Variants in DLC1 observed in about 807,000 individuals in gnomAD.
DLC1 encodes rho GTPase-activating protein 7.
A neutral mutation model predicts 140.3 loss-of-function variants in DLC1; 54 were observed. The observed-to-expected ratio is 0.38, with a 90% CI of 0.31 to 0.48. The LOEUF is 0.48. DLC1 is among the 20% of genes least tolerant of loss of function. The pLI, the probability that DLC1 is intolerant of heterozygous loss-of-function variation, is 0.96. For synonymous variants in DLC1, 986 were observed against 728.1 expected (o/e 1.35, Z -5.70); for missense variants, 2,536 against 1,907.0 (o/e 1.33, Z -6.14).
intron 6 of DLC1, among the ~76,000 whole-genome samples, chr8:13,111,620 A>C (rs1005217783): frequency 6.6e-6 from 1 of 152,226 alleles, no homozygotes; most frequent in African/African-American, 2.4e-5. Context: ...CAAGAAAAGG[A>C]GAGCGGAGGT....
intron 5 of DLC1, among the ~76,000 whole-genome samples, chr8:13,186,823 A>C (rs1390769981): frequency 6.6e-6 from 1 of 152,204 alleles, no homozygotes; most frequent in Non-Finnish European, 1.5e-5. Flanking sequence ...GGTGACGTAC[A>C]GATGGGGTTT....
chr8:13,226,163 C>T (rs1828790028), intron 5 of DLC1, among the ~76,000 whole-genome samples: 1 of 152,194 alleles, frequency 6.6e-6, no homozygotes, highest in South Asian at 2.1e-4. Flanking sequence ...ATCCTCCCAC[C>T]TTGGCCTTCC....
chr8:13,393,795 A>G (rs1389990469), intron 3 of DLC1, 102 bp from the exon 4 acceptor site: 2 of 1,324,706 alleles, frequency 1.5e-6, no homozygotes, highest in Non-Finnish European at 2.1e-6. Flanking sequence ...CTCCCAGTGC[A>G]CACTGATACA....
chr8:13,425,668 CAA>C (rs34728001), intron 2 of DLC1, among the ~76,000 whole-genome samples: 2 of 151,746 alleles, frequency 1.3e-5, no homozygotes, highest in African/African-American at 4.8e-5. Context: ...TGTGTCATAG[CAA>C]AAAAAAAATC....
chr8:13,261,478 A>T (rs551270640), intron 5 of DLC1, among the ~76,000 whole-genome samples: 9 of 152,058 alleles, frequency 5.9e-5, no homozygotes, highest in Non-Finnish European at 1.2e-4. Context: ...TGAGTTGAGG[A>T]GTGACAGGAT....
Position 13,307,136 on chromosome 8 carries a change from G to T in DLC1, c.1315-1834C>A, listed in dbSNP as rs188933618. Among the ~76,000 whole-genome samples, 7 of 142,658 alleles carry T rather than the reference G, an allele frequency of 4.9e-5. No individual in the cohort carries two copies. The East Asian group carries it at 1.5e-3, about 30-fold the overall frequency. 93.6% of individuals were successfully genotyped at this position (142,658 alleles called of 152,430 possible). On this transcript the variant is annotated intron_variant, in intron 4 of 17. Coordinates refer to ENST00000276297, the MANE Select transcript of DLC1 (RefSeq NM_182643.3). ...GAGATGGGGGGAGTTACTTTGGCAA[G>T]ATTAATTTGTACTGAAAGCATATTT...
At chr8:13,137,093 C>G (rs140707480) in intron 5 of DLC1, among the ~76,000 whole-genome samples, 2 of 152,208 alleles carry the variant, frequency 1.3e-5, no homozygotes, top group African/African-American at 4.8e-5. Flanking sequence ...AAGACCTTGG[C>G]ATTACCCTTT....
chr8:13,152,581 T>C (rs1006232310), intron 5 of DLC1, among the ~76,000 whole-genome samples: 2 of 152,066 alleles, frequency 1.3e-5, no homozygotes, highest in African/African-American at 2.4e-5. Flanking sequence ...TGTTGTATTT[T>C]CTTTATGCTT....
At chr8:13,459,682 C>G (rs1016465336) in intron 2 of DLC1, among the ~76,000 whole-genome samples, 2 of 152,098 alleles carry the variant, frequency 1.3e-5, no homozygotes, top group African/African-American at 2.4e-5. Context: ...CCCGCACAGC[C>G]AAGTTCCAGA....
Position 13,100,017 on chromosome 8 carries a change from T to C in DLC1, c.2320A>G (p.Met774Val). The change falls in exon 9 of 18, where the codon ATG becomes GTG. Residue 774 changes from methionine to valine, a missense_variant. Physicochemically the swap from Met to Val is conservative, Grantham distance 21 (BLOSUM62 1). Coordinates refer to ENST00000276297, the MANE Select transcript of DLC1 (RefSeq NM_182643.3). ...SLSACNKRVGMYLEGFDPFNQ... is the reference protein window; with the variant it reads ...SLSACNKRVGVYLEGFDPFNQ... ...AAAGGATCGAAGCCCTCTAAGTACA[T>C]GCCCACCCGCTTGTTGCACGCACTG... 3 of 1,612,880 alleles carry C rather than the reference T, an allele frequency of 1.9e-6. No individual in the cohort carries two copies. The highest frequency in any genetic ancestry group is 2.5e-6 in the Non-Finnish European group (3 of 1,180,034).
At chr8:13,119,494 A>G (rs996765354) in intron 5 of DLC1, among the ~76,000 whole-genome samples, 1 of 152,100 alleles carries the variant, frequency 6.6e-6, no homozygotes, top group Non-Finnish European at 1.5e-5. Context: ...TTCTATATCA[A>G]TGGGTCACTT....
intron 1 of DLC1, among the ~76,000 whole-genome samples, chr8:13,537,180 T>C (rs990659955): frequency 4.6e-5 from 7 of 151,672 alleles, no homozygotes; most frequent in African/African-American, 1.7e-4. Flanking sequence ...CTAGAAAAGG[T>C]TTTACTTGTT....
At chr8:13,325,194 T>C (rs1162964405) in intron 4 of DLC1, among the ~76,000 whole-genome samples, 1 of 152,212 alleles carries the variant, frequency 6.6e-6, no homozygotes, top group Non-Finnish European at 1.5e-5. Flanking sequence ...TTGGTCAGTG[T>C]AGGCTGTTTG....
intron 2 of DLC1, among the ~76,000 whole-genome samples, chr8:13,404,828 T>A (rs1837452367): frequency 6.6e-6 from 1 of 151,964 alleles, no homozygotes; most frequent in African/African-American, 2.4e-5. Context: ...TGAAACCCCA[T>A]CTCTGCTAAA....
chr8:13,208,063 T>C (rs1427898365), intron 5 of DLC1, among the ~76,000 whole-genome samples: 1 of 152,204 alleles, frequency 6.6e-6, no homozygotes, highest in Non-Finnish European at 1.5e-5. Context: ...ATCCATCTTA[T>C]GTTTAGCTCT....
At chr8:13,461,673 A>C (rs1471615452) in intron 2 of DLC1, among the ~76,000 whole-genome samples, 1 of 152,210 alleles carries the variant, frequency 6.6e-6, no homozygotes, top group Non-Finnish European at 1.5e-5. Flanking sequence ...GTCCCAGGCC[A>C]TGCCCATCCT....
chr8:13,090,093 C>T (rs1297461684), intron 15 of DLC1, among the ~76,000 whole-genome samples, 159 bp downstream of exon 15: 52 of 152,182 alleles, frequency 3.4e-4, no homozygotes, highest in Admixed American at 3.3e-3. Context: ...GGTTTCCACT[C>T]TCACCACGGG....
chr8:13,423,533 T>C (rs1016857075), intron 2 of DLC1, among the ~76,000 whole-genome samples: 1 of 152,126 alleles, frequency 6.6e-6, no homozygotes, highest in Non-Finnish European at 1.5e-5. Flanking sequence ...TGAATTATAA[T>C]ACTAATTATA....
intron 5 of DLC1, among the ~76,000 whole-genome samples, chr8:13,172,491 C>T (rs557185421): frequency 6.6e-6 from 1 of 152,156 alleles, no homozygotes; most frequent in East Asian, 1.9e-4. Context: ...TACATAAACT[C>T]AGATCAAGGC....
Sources: allele counts gnomAD v4.1 joint callset (sites outside exome capture counted in the v4.1 genomes callset), GRCh38; gene constraint gnomAD v4.1.1; transcripts MANE v1.5; gene names NCBI Gene and HGNC (gene_info 2026-07-23, HGNC 2026-07-21).